Variants in TMEM178A observed in about 807,000 individuals in gnomAD.
The protein encoded by TMEM178A is transmembrane protein 178A, also known as transmembrane protein 178.
In TMEM178A, 12 loss-of-function variants were observed where a neutral mutation model predicts 29.1. That is an observed-to-expected ratio of 0.41 (90% CI 0.26 to 0.67). The LOEUF is 0.67. Among genes scored for constraint, TMEM178A ranks in the 30% least tolerant of loss-of-function variants. The probability of loss-of-function intolerance (pLI) is 0.29; values close to 1 mark genes in which losing one functional copy is unlikely to be tolerated. For missense variants in TMEM178A, 366 were observed against 419.1 expected (o/e 0.87, Z 1.11); for synonymous variants, 210 against 187.2 (o/e 1.12, Z -0.99).
At chr2:39,730,150 G>T in the TMEM178A span, among the ~76,000 whole-genome samples, 1 of 152,112 alleles carries the variant, frequency 6.6e-6, no homozygotes, top group African/African-American at 2.4e-5. Context: ...AAATAATTGG[G>T]TGGCAGTCTT....
At chr2:39,685,116 T>C (rs920845967) in intron 1 of TMEM178A, among the ~76,000 whole-genome samples, 2 of 152,228 alleles carry the variant, frequency 1.3e-5, no homozygotes, top group African/African-American at 4.8e-5. Flanking sequence ...TAATCTCTGG[T>C]GACTTCCATT....
intron 1 of TMEM178A, among the ~76,000 whole-genome samples, chr2:39,695,953 A>G (rs1407101471): frequency 6.6e-6 from 1 of 152,258 alleles, no homozygotes; most frequent in African/African-American, 2.4e-5. Context: ...ATACATAATT[A>G]TATCATAGCA....
chr2:39,729,518 T>A, the TMEM178A span, among the ~76,000 whole-genome samples: 6 of 152,328 alleles, frequency 3.9e-5, no homozygotes, highest in South Asian at 1.2e-3. Context: ...CCAACATCAA[T>A]ATCTGTTCTT....
chr2:39,676,814 G>A (rs1258921549), intron 1 of TMEM178A, among the ~76,000 whole-genome samples: 1 of 152,126 alleles, frequency 6.6e-6, no homozygotes, highest in African/African-American at 2.4e-5. Context: ...ACTGAGAAGA[G>A]AACTCAGATT....
At chr2:39,714,729 G>A (rs975269822) in intron 3 of TMEM178A, among the ~76,000 whole-genome samples, 1 of 152,102 alleles carries the variant, frequency 6.6e-6, no homozygotes, top group East Asian at 1.9e-4. Context: ...AGTATGAACC[G>A]GTGGTTTAAT....
intron 1 of TMEM178A, among the ~76,000 whole-genome samples, chr2:39,693,069 G>A (rs940027471): frequency 1.3e-5 from 2 of 152,124 alleles, no homozygotes; most frequent in African/African-American, 2.4e-5. Flanking sequence ...AGCGGAGACC[G>A]TGCCACTGCA....
chr2:39,712,086 T>A (rs929831275), intron 3 of TMEM178A, among the ~76,000 whole-genome samples: 22 of 149,212 alleles, frequency 1.5e-4, no homozygotes, highest in African/African-American at 5.4e-4. Flanking sequence ...TGTAAGAGTT[T>A]CTTTCTCTCT....
chr2:39,723,155 T>A, the TMEM178A span, among the ~76,000 whole-genome samples: 1 of 152,236 alleles, frequency 6.6e-6, no homozygotes, highest in Non-Finnish European at 1.5e-5. Context: ...GTTAGGTTGA[T>A]TGTGATGAAC....
intron 1 of TMEM178A, among the ~76,000 whole-genome samples, chr2:39,678,319 G>T (rs1042850249): frequency 4.6e-5 from 7 of 152,062 alleles, no homozygotes; most frequent in African/African-American, 1.7e-4. Context: ...GCCAAAATAT[G>T]GAAACAATCC....
chr2:39,729,648 A>G, the TMEM178A span, among the ~76,000 whole-genome samples: 1 of 152,212 alleles, frequency 6.6e-6, no homozygotes, highest in Non-Finnish European at 1.5e-5. Context: ...ATCCATGTCA[A>G]GAACATGATT....
At chr2:39,732,306 G>T in the TMEM178A span, among the ~76,000 whole-genome samples, 1 of 152,136 alleles carries the variant, frequency 6.6e-6, no homozygotes, top group African/African-American at 2.4e-5. Flanking sequence ...CTGCTCACTG[G>T]AGACTCCTCA....
chr2:39,732,564 GAAGC>G, the TMEM178A span, among the ~76,000 whole-genome samples: 2 of 152,192 alleles, frequency 1.3e-5, no homozygotes, highest in Admixed American at 1.3e-4. Context: ...CAAGCCCTCA[GAAGC>G]AAGCCCCAAT....
chr2:39,672,324 C>G (rs973438344), intron 1 of TMEM178A, among the ~76,000 whole-genome samples: 1 of 152,132 alleles, frequency 6.6e-6, no homozygotes, highest in African/African-American at 2.4e-5. Context: ...TTTTCATTCA[C>G]TATGTTTCAT....
chr2:39,680,837 G>A (rs1001033983), intron 1 of TMEM178A, among the ~76,000 whole-genome samples: 1 of 152,142 alleles, frequency 6.6e-6, no homozygotes, highest in African/African-American at 2.4e-5. Flanking sequence ...TAATTCATGT[G>A]AAGACAAAGA....
intron 1 of TMEM178A, among the ~76,000 whole-genome samples, chr2:39,700,275 T>G (rs1671725253): frequency 6.6e-6 from 1 of 152,200 alleles, no homozygotes; most frequent in African/African-American, 2.4e-5. Context: ...GAAGTATTGA[T>G]GTCTCCAACT....
At chr2:39,726,323 C>G in the TMEM178A span, among the ~76,000 whole-genome samples, 20 of 152,184 alleles carry the variant, frequency 1.3e-4, 1 homozygote, top group South Asian at 4.2e-3. Context: ...ATGCAGGTGT[C>G]CTGAGGAATG....
chr2:39,705,995 C>A (rs546177496), intron 2 of TMEM178A, among the ~76,000 whole-genome samples: 79 of 152,220 alleles, frequency 5.2e-4, no homozygotes, highest in Non-Finnish European at 1.1e-3. Context: ...AAAAAAAATC[C>A]TTTGAGATGG....
intron 1 of TMEM178A, among the ~76,000 whole-genome samples, chr2:39,667,486 T>C (rs968297857): frequency 6.6e-6 from 1 of 151,974 alleles, no homozygotes. Flanking sequence ...CTTGGACTCA[T>C]GATGCCAAAA....
chr2:39,715,621 G>C (rs1277947859), intron 3 of TMEM178A, among the ~76,000 whole-genome samples: 1 of 152,180 alleles, frequency 6.6e-6, no homozygotes, highest in Non-Finnish European at 1.5e-5. Context: ...AATCACTTTA[G>C]AGTTTAAATG....
Sources: allele counts gnomAD v4.1 joint callset (sites outside exome capture counted in the v4.1 genomes callset), GRCh38; gene constraint gnomAD v4.1.1; transcripts MANE v1.5; gene names NCBI Gene and HGNC (gene_info 2026-07-23, HGNC 2026-07-21).